Variants in DCUN1D1 observed in about 807,000 individuals in gnomAD.
DCUN1D1 encodes the protein defective in cullin neddylation 1 domain containing 1.
Under a neutral mutation model 39.0 loss-of-function variants are expected in DCUN1D1, and 3 were observed. The ratio of observed to expected loss-of-function variants is 0.08; its 90% CI spans 0.04 to 0.20. DCUN1D1 has a LOEUF of 0.20. Ranked by LOEUF, DCUN1D1 falls within the 10% of genes least tolerant of loss-of-function variation. DCUN1D1 has a pLI of 1.00. For synonymous variants in DCUN1D1, 82 were observed against 96.3 expected (o/e 0.85, Z 0.87); for missense variants, 158 against 302.4 (o/e 0.52, Z 3.54).
chr3:182,977,174 G>A (rs1273203560), intron 1 of DCUN1D1, among the ~76,000 whole-genome samples: 1 of 152,162 alleles, frequency 6.6e-6, no homozygotes, highest in East Asian at 1.9e-4. Context: ...TGGGGGAAAT[G>A]GTAGACCAGG....
In DCUN1D1 at chr3:182,943,672, T is replaced by A. The variant is rs1726249964; in HGVS notation, c.*1422A>T. ...TCAAAAGACCATAATCATCAAACAT[T>A]TGAAGTATTACATTTCTAGCCTGCC... is the stretch of plus-strand genomic sequence containing the variant. On this transcript the variant is annotated 3_prime_UTR_variant, in exon 7 of 7. Transcript: ENST00000292782. 6.6e-6 allele frequency: 1 copy of A among 152,446 alleles called. No individual in the cohort carries two copies. Among genetic ancestry groups the A allele is most frequent in the Non-Finnish European group, 1.5e-5 (1 of 68,010 alleles). The allele number at this position is 152,446 out of a possible 1,614,324, so 9.4% of individuals were successfully genotyped here.
upstream of DCUN1D1, among the ~76,000 whole-genome samples, chr3:182,983,918 C>T (rs916545155): frequency 6.6e-5 from 10 of 152,154 alleles, no homozygotes; most frequent in Admixed American, 3.9e-4. Flanking sequence ...TCTCCCCACA[C>T]CTTACATATA....
At chr3:182,968,208 C>G (rs529190358) in intron 1 of DCUN1D1, among the ~76,000 whole-genome samples, 1 of 152,186 alleles carries the variant, frequency 6.6e-6, no homozygotes, top group Admixed American at 6.5e-5. Flanking sequence ...TGTGCCTGGC[C>G]TGGAAATTAC....
chr3:182,961,433 T>C, intron 3 of DCUN1D1, 77 bp from the exon 4 acceptor site: 1 of 1,241,406 alleles, frequency 8.1e-7, no homozygotes, highest in Non-Finnish European at 1.1e-6. Context: ...CCATGAGGGC[T>C]TACATTTATT....
intron 1 of DCUN1D1, among the ~76,000 whole-genome samples, chr3:182,967,159 T>TATATATATATATATA (rs1727714739): frequency 1.4e-5 from 2 of 147,292 alleles, no homozygotes; most frequent in African/African-American, 5.1e-5. Flanking sequence ...TATATATATA[T>TATATATATATATATA]TTTCTGTGGT....
chr3:182,967,148 ATATATATATATT>A (rs1242393476), intron 1 of DCUN1D1, among the ~76,000 whole-genome samples: 2 of 103,116 alleles, frequency 1.9e-5, no homozygotes, highest in Admixed American at 1.0e-4. Flanking sequence ...ATATATATAT[ATATATATATATT>A]TTCTGTGGTT....
At chr3:182,948,590 A>C (rs527513710) in intron 4 of DCUN1D1, among the ~76,000 whole-genome samples, 1 of 152,372 alleles carries the variant, frequency 6.6e-6, no homozygotes, top group East Asian at 1.9e-4. Flanking sequence ...GAAAGTGTTT[A>C]GTTTTTATGA....
At chr3:182,946,783 A>AG (rs1726432274) in intron 6 of DCUN1D1, among the ~76,000 whole-genome samples, 2 of 152,128 alleles carry the variant, frequency 1.3e-5, no homozygotes, top group Non-Finnish European at 2.9e-5. Context: ...ATGGATTGGT[A>AG]AATGTATGAA....
At chr3:182,958,143 T>C (rs963952861) in intron 4 of DCUN1D1, among the ~76,000 whole-genome samples, 5 of 151,958 alleles carry the variant, frequency 3.3e-5, no homozygotes, top group African/African-American at 1.2e-4. Flanking sequence ...GAAAGGCTGT[T>C]ATAAAAAACT....
At chr3:182,983,587 A>G (rs1010914548), upstream of DCUN1D1, among the ~76,000 whole-genome samples, 1 of 152,110 alleles carries the variant, frequency 6.6e-6, no homozygotes, top group South Asian at 2.1e-4. Context: ...CATGCCTGCA[A>G]TCCCAGCTAG....
chr3:182,958,545 A>G (rs977818473), intron 4 of DCUN1D1, among the ~76,000 whole-genome samples: 1 of 152,194 alleles, frequency 6.6e-6, no homozygotes, highest in Non-Finnish European at 1.5e-5. Context: ...CATATAACAT[A>G]AAGTTTATCA....
chr3:182,945,444 A>AT (rs1194578547), intron 6 of DCUN1D1, among the ~76,000 whole-genome samples: 31 of 152,276 alleles, frequency 2.0e-4, no homozygotes, highest in African/African-American at 7.0e-4. Flanking sequence ...CAATAATATG[A>AT]TTTTCTCAAG....
In DCUN1D1 at chr3:182,941,704, T is replaced by C. The variant is rs1726140696; in HGVS notation, c.*3390A>G. ...CCAGATAAGTATTTTCTGTTAAATA[T>C]ACACAATTTAACATTTAAAACTACA... On this transcript the variant is annotated 3_prime_UTR_variant, in exon 7 of 7. Transcript: ENST00000292782. The C allele has an allele frequency of 6.6e-6, 1 of 152,146 alleles. No individual in the cohort carries two copies. The highest frequency in any genetic ancestry group is 2.4e-5 in the African/African-American group (1 of 41,456). 9.4% of individuals were successfully genotyped at this position (152,146 alleles called of 1,614,324 possible). A position where few individuals can be genotyped will look rare whatever the true frequency, so the allele number is the denominator to read the frequency against.
At position 182,941,406 on chromosome 3, in the gene DCUN1D1, TTA is replaced by T. The variant is rs1222255619; in HGVS notation, c.*3686_*3687del. ...AATAAAAATAGAAATTATTGCTATA[TTA>T]TGATTGTAAAAATGGAGGCAATAAA... On this transcript the variant is annotated 3_prime_UTR_variant, in exon 7 of 7. Transcript: ENST00000292782. 6.6e-6 allele frequency: 1 copy of T among 152,196 alleles called. No homozygotes were observed. The highest frequency in any genetic ancestry group is 1.9e-4 in the East Asian group (1 of 5,174). 9.4% of individuals were successfully genotyped at this position (152,196 alleles called of 1,614,324 possible). A position where few individuals can be genotyped will look rare whatever the true frequency, so the allele number is the denominator to read the frequency against.
At chr3:182,980,290 G>A (rs1728472840) in intron 1 of DCUN1D1, 197 bp downstream of exon 1, 1 of 336,170 alleles carries the variant, frequency 3.0e-6, no homozygotes, top group Non-Finnish European at 4.3e-6. Context: ...CTCGCGTAGC[G>A]GCTGCGCCCG....
chr3:182,979,600 T>TTCTC (rs58326496), intron 1 of DCUN1D1, among the ~76,000 whole-genome samples: 16 of 137,004 alleles, frequency 1.2e-4, no homozygotes, highest in Admixed American at 6.6e-4. Context: ...GAGGACTTTT[T>TTCTC]CCCCCCCCCA....
chr3:182,945,229 G>A (rs1249249623), intron 6 of DCUN1D1, 56 bp from the exon 7 acceptor site: 4 of 1,375,156 alleles, frequency 2.9e-6, no homozygotes, highest in Middle Eastern at 1.8e-4. Flanking sequence ...CAGAAATAAG[G>A]CTAACATTTT....
chr3:182,972,335 G>A (rs1727986868), intron 1 of DCUN1D1, among the ~76,000 whole-genome samples: 1 of 152,106 alleles, frequency 6.6e-6, no homozygotes, highest in African/African-American at 2.4e-5. Context: ...ATGGAAATAT[G>A]TACAATTTCA....
chr3:182,973,794 C>T (rs1319746333), intron 1 of DCUN1D1, among the ~76,000 whole-genome samples: 4 of 144,574 alleles, frequency 2.8e-5, no homozygotes, highest in African/African-American at 8.0e-5. Flanking sequence ...GTGACAAGTG[C>T]GAAACTCCGG....
Sources: allele counts gnomAD v4.1 joint callset (sites outside exome capture counted in the v4.1 genomes callset), GRCh38; gene constraint gnomAD v4.1.1; transcripts MANE v1.5; gene names NCBI Gene and HGNC (gene_info 2026-07-23, HGNC 2026-07-21).